Variants in BLOC1S6 observed in about 807,000 individuals in gnomAD.
BLOC1S6 encodes the protein biogenesis of lysosomal organelles complex 1 subunit 6, also known as biogenesis of lysosome-related organelles complex 1 subunit 6.
A neutral mutation model predicts 24.7 loss-of-function variants in BLOC1S6; 24 were observed. The observed-to-expected ratio is 0.97, with a 90% CI of 0.70 to 1.37. BLOC1S6 has a LOEUF of 1.37. BLOC1S6 is among the 40% of genes most tolerant of loss of function. The probability of loss-of-function intolerance (pLI) is 0.00; values close to 1 mark genes in which losing one functional copy is unlikely to be tolerated. For synonymous variants in BLOC1S6, 76 were observed against 72.6 expected (o/e 1.05, Z -0.23); for missense variants, 175 against 196.2 (o/e 0.89, Z 0.64).
chr15:45,588,801 C>G (rs1893781132), intron 1 of BLOC1S6, among the ~76,000 whole-genome samples: 1 of 152,210 alleles, frequency 6.6e-6, no homozygotes, highest in African/African-American at 2.4e-5. Flanking sequence ...CCCCATGCCT[C>G]TCCAGAAGTA....
At chr15:45,595,430 T>C (rs1566901032) in intron 2 of BLOC1S6, among the ~76,000 whole-genome samples, 1 of 152,190 alleles carries the variant, frequency 6.6e-6, no homozygotes, top group Non-Finnish European at 1.5e-5. Flanking sequence ...AAATTCTTTG[T>C]TAGATAACAG....
At chr15:45,603,915 T>A (rs925410195) in intron 3 of BLOC1S6, among the ~76,000 whole-genome samples, 1 of 152,186 alleles carries the variant, frequency 6.6e-6, no homozygotes, top group South Asian at 2.1e-4. Flanking sequence ...GAATGATCAG[T>A]TATATCTTTC....
rs774466410 is a variant in BLOC1S6 at position 45,591,706 on chromosome 15, A to G, written c.83-429A>G. On this transcript the variant is annotated intron_variant, in intron 1 of 4. Transcript: ENST00000220531. ...CTCCTTTGATAATCCAGTGAAAACT[A>G]TAAGTCCTCTGCCCTGAAAAATATA... Among the ~76,000 whole-genome samples the G allele has an allele frequency of 2.0e-5, 3 of 152,372 alleles. No homozygotes were observed. The East Asian group carries it at 5.8e-4, about 29-fold the overall frequency.
intron 1 of BLOC1S6, among the ~76,000 whole-genome samples, chr15:45,589,135 C>G (rs1595550942): frequency 6.6e-6 from 1 of 152,118 alleles, no homozygotes; most frequent in African/African-American, 2.4e-5. Context: ...CTATGGGGGA[C>G]TGGTTAAACA....
intron 2 of BLOC1S6, among the ~76,000 whole-genome samples, chr15:45,600,072 A>G (rs1168256070): frequency 1.5e-4 from 23 of 149,174 alleles, no homozygotes; most frequent in African/African-American, 5.2e-4. Flanking sequence ...TCAGTAAACT[A>G]TCGCAAGAAC....
intron 2 of BLOC1S6, chr15:45,597,791 T>G (rs936989507): frequency 1.9e-5 from 4 of 210,882 alleles, no homozygotes; most frequent in African/African-American, 9.4e-5. Context: ...AATTTCCACA[T>G]AGGAAATCAT....
At chr15:45,588,523 T>C (rs1353593120) in intron 1 of BLOC1S6, among the ~76,000 whole-genome samples, 3 of 152,236 alleles carry the variant, frequency 2.0e-5, no homozygotes, top group Admixed American at 6.5e-5. Flanking sequence ...TAGGGGATTC[T>C]CCTATACAAT....
chr15:45,601,966 T>TAA (rs1381279816), intron 2 of BLOC1S6, among the ~76,000 whole-genome samples: 3 of 152,146 alleles, frequency 2.0e-5, no homozygotes, highest in Admixed American at 2.0e-4. Flanking sequence ...CTGCAGTTTC[T>TAA]AACTCCTGGG....
In BLOC1S6 at chr15:45,587,414, C is replaced by T. The variant is rs755516048; in HGVS notation, c.-30C>T. 13 of 1,555,290 alleles carry T rather than the reference C, an allele frequency of 8.4e-6. No homozygotes were observed. The highest frequency in any genetic ancestry group is 1.1e-5 in the Non-Finnish European group (13 of 1,147,296). ...TTGCTTCTGACGAGCCACACGTTTGCTTCTTCCCTGTGTTCCCAGCTGGAG... is the reference window on the plus strand; with the variant it reads ...TTGCTTCTGACGAGCCACACGTTTGTTTCTTCCCTGTGTTCCCAGCTGGAG... On this transcript the variant is annotated 5_prime_UTR_variant, in exon 1 of 5. Transcript: ENST00000220531.
chr15:45,594,163 G>C (rs558128853), intron 2 of BLOC1S6, among the ~76,000 whole-genome samples: 1 of 152,216 alleles, frequency 6.6e-6, no homozygotes, highest in South Asian at 2.1e-4. Flanking sequence ...CACCATTATA[G>C]AAACAGGTCC....
chr15:45,589,009 A>C (rs944513681), intron 1 of BLOC1S6, among the ~76,000 whole-genome samples: 5 of 152,252 alleles, frequency 3.3e-5, no homozygotes, highest in Non-Finnish European at 5.9e-5. Flanking sequence ...TTGTCCCAAC[A>C]GTCTACTTCT....
upstream of BLOC1S6, chr15:45,587,314 T>G: frequency 1.1e-6 from 1 of 908,450 alleles, no homozygotes. Flanking sequence ...AAGCCCGCAG[T>G]TTTTTCGCCC....
At chr15:45,604,867 G>T (rs2140918345) in intron 3 of BLOC1S6, among the ~76,000 whole-genome samples, 1 of 152,314 alleles carries the variant, frequency 6.6e-6, no homozygotes, top group East Asian at 1.9e-4. Flanking sequence ...GAGTTGTAAA[G>T]TCTGTACTTA....
intron 1 of BLOC1S6, among the ~76,000 whole-genome samples, chr15:45,590,580 A>G (rs1287005200): frequency 6.6e-6 from 1 of 151,886 alleles, no homozygotes; most frequent in Non-Finnish European, 1.5e-5. Context: ...GGAAATTTTT[A>G]TATTTTTAGT....
intron 3 of BLOC1S6, among the ~76,000 whole-genome samples, chr15:45,604,508 C>A (rs551794092): frequency 1.3e-3 from 201 of 152,184 alleles, no homozygotes; most frequent in African/African-American, 4.5e-3. Context: ...AATGAATTAA[C>A]CAAGCAGATG....
chr15:45,600,427 T>C (rs1246837565), intron 2 of BLOC1S6, among the ~76,000 whole-genome samples: 5 of 152,178 alleles, frequency 3.3e-5, no homozygotes, highest in Non-Finnish European at 5.9e-5. Flanking sequence ...ACCCTAAATG[T>C]TAGCTGCAGG....
At chr15:45,601,467 C>T (rs999751288) in intron 2 of BLOC1S6, 5 of 152,846 alleles carry the variant, frequency 3.3e-5, no homozygotes, top group Admixed American at 2.6e-4. Flanking sequence ...CTTTTTGTTT[C>T]TCCTTGTATA....
intron 4 of BLOC1S6, among the ~76,000 whole-genome samples, chr15:45,605,973 T>C (rs1213709285): frequency 6.6e-6 from 1 of 152,220 alleles, no homozygotes; most frequent in African/African-American, 2.4e-5. Flanking sequence ...AAAAATGTCA[T>C]TGTTTAAGAA....
At chr15:45,590,568 C>T (rs887439733) in intron 1 of BLOC1S6, among the ~76,000 whole-genome samples, 4 of 151,836 alleles carry the variant, frequency 2.6e-5, no homozygotes, top group African/African-American at 4.8e-5. Flanking sequence ...ACACTACGCC[C>T]GGGAAATTTT....
Sources: allele counts gnomAD v4.1 joint callset (sites outside exome capture counted in the v4.1 genomes callset), GRCh38; gene constraint gnomAD v4.1.1; transcripts MANE v1.5; gene names NCBI Gene and HGNC (gene_info 2026-07-23, HGNC 2026-07-21).